Variants in PIP5KL1 observed in about 807,000 individuals in gnomAD.
PIP5KL1 encodes phosphatidylinositol 4-phosphate 5-kinase-like protein 1.
In PIP5KL1, 45 loss-of-function variants were observed where a neutral mutation model predicts 47.6. The ratio of observed to expected loss-of-function variants is 0.94; its 90% CI spans 0.74 to 1.21. The LOEUF is 1.21. PIP5KL1 is among the 50% of genes most tolerant of loss of function. PIP5KL1 has a pLI of 0.00. For missense variants in PIP5KL1, 577 were observed against 547.6 expected, an observed-to-expected ratio of 1.05 and a Z score of -0.54; for synonymous variants, 256 against 234.6, an observed-to-expected ratio of 1.09 and a Z score of -0.84.
chr9:127,925,865 AC>A lies in PIP5KL1; in HGVS notation c.763+1del. ...CAGGCAGTGGCCACCCCCGTGGCTC[AC>A]CCAGGTTGATGGTCTTGCCCTGAAA... On this transcript the variant is annotated splice_donor_variant, in intron 8 of 9. Transcript: ENST00000388747. LOFTEE classifies it high-confidence loss of function. 1 of 1,613,248 alleles carries A rather than the reference AC, an allele frequency of 6.2e-7. No homozygotes were observed.
Position 127,925,084 on chromosome 9 carries a change from T to A in PIP5KL1, c.917+23A>T, listed in dbSNP as rs931146820. The A allele has an allele frequency of 1.9e-6, 3 of 1,613,240 alleles. No homozygotes were observed. The African/African-American group carries it at 4.0e-5, about 22-fold the overall frequency. On this transcript the variant is annotated intron_variant, in intron 9 of 9. Coordinates refer to ENST00000388747, the MANE Select transcript of PIP5KL1 (RefSeq NM_001135219.2). ...CTTACTCTCACCACCTCAATCTCGC[T>A]GTTGCCCCTGTGGGAGGCTCACCTG...
In PIP5KL1 at chr9:127,921,446, C is replaced by G. The variant is rs549397101; in HGVS notation, c.*401G>C. The G allele has an allele frequency of 4.6e-4, 80 of 173,712 alleles. No individual in the cohort carries two copies. Among genetic ancestry groups the G allele is most frequent in the Non-Finnish European group, 7.6e-4 (62 of 81,218 alleles). The allele number at this position is 173,712 out of a possible 1,614,324, so 10.8% of individuals were successfully genotyped here. On this transcript the variant is annotated 3_prime_UTR_variant, in exon 10 of 10. Transcript: ENST00000388747. ...ATGACAAGAGGGCTGCAGCCTTCAGCCTCCCCCCTTGCCCAGATCATGAGG... is the reference window on the plus strand; with the variant it reads ...ATGACAAGAGGGCTGCAGCCTTCAGGCTCCCCCCTTGCCCAGATCATGAGG...
At position 127,925,154 on chromosome 9, in the gene PIP5KL1, G is replaced by A. The variant is rs774976835; in HGVS notation, c.870C>T (p.His290=). The A allele has an allele frequency of 4.2e-5, 68 of 1,614,008 alleles. No homozygotes were observed. Among genetic ancestry groups the A allele is most frequent in the Non-Finnish European group, 5.3e-5 (62 of 1,180,032 alleles). ...YSLLIAFQRL[H]EDERGPGSSL... Reference sequence around the variant, plus strand: ...TGCTGCCCGGGCCCCTCTCATCCTCGTGGAGACGTTGGAAGGCTATCAGGA... The same window carrying A: ...TGCTGCCCGGGCCCCTCTCATCCTCATGGAGACGTTGGAAGGCTATCAGGA... Residue 290 remains histidine, a synonymous_variant, in exon 9 of 10, where the codon CAC becomes CAT. Transcript: ENST00000388747.
Position 127,921,514 on chromosome 9 carries a change from A to C in PIP5KL1, c.*333T>G. On this transcript the variant is annotated 3_prime_UTR_variant, in exon 10 of 10. Coordinates refer to ENST00000388747, the MANE Select transcript of PIP5KL1 (RefSeq NM_001135219.2). Reference sequence around the variant, plus strand: ...GGTGGTTAAGAATACAGGCTCCGGAATCCAAAAGCCATGGTTGAGTCCTGG... The same window carrying C: ...GGTGGTTAAGAATACAGGCTCCGGACTCCAAAAGCCATGGTTGAGTCCTGG... 2 of 241,228 alleles carry C rather than the reference A, an allele frequency of 8.3e-6. No individual in the cohort carries two copies. The highest frequency in any genetic ancestry group is 8.1e-6 in the Non-Finnish European group (1 of 123,260). 14.9% of individuals were successfully genotyped at this position (241,228 alleles called of 1,614,324 possible). A position where few individuals can be genotyped will look rare whatever the true frequency, so the allele number is the denominator to read the frequency against.
Position 127,921,571 on chromosome 9 carries a change from A to G in PIP5KL1, c.*276T>C. On this transcript the variant is annotated 3_prime_UTR_variant, in exon 10 of 10. Transcript: ENST00000388747. ...CATTTATTGCTGAATGATCTTGATCAGTCCCTTCACCCCCTGAGCCTCCAT... is the reference window on the plus strand; with the variant it reads ...CATTTATTGCTGAATGATCTTGATCGGTCCCTTCACCCCCTGAGCCTCCAT... The G allele has an allele frequency of 2.2e-6, 1 of 451,340 alleles. No individual in the cohort carries two copies. The highest frequency in any genetic ancestry group is 4.0e-6 in the Non-Finnish European group (1 of 249,242). The allele number at this position is 451,340 out of a possible 1,614,324, so 28.0% of individuals were successfully genotyped here. A position where few individuals can be genotyped will look rare whatever the true frequency, so the allele number is the denominator to read the frequency against.
rs1831375818 is a variant in PIP5KL1, at chr9:127,927,241, G to A, written c.595-33C>T. ...CCGGGACAGGGAGTGAGGGAGGCCG[G>A]CTGTCGCCCTCCAGCCGCCCGCTCC... On this transcript the variant is annotated intron_variant, in intron 6 of 9. Coordinates refer to ENST00000388747, the MANE Select transcript of PIP5KL1 (RefSeq NM_001135219.2). The surrounding 1 kb of genome is among the most constrained non-coding windows in gnomAD (Gnocchi z 5.5). 2 of 1,611,646 alleles carry A rather than the reference G, an allele frequency of 1.2e-6. No homozygotes were observed. The highest frequency in any genetic ancestry group is 1.7e-6 in the Non-Finnish European group (2 of 1,179,380).
At chr9:127,926,017 G>C in intron 7 of PIP5KL1, 38 bp from the exon 8 acceptor site, 2 of 1,436,766 alleles carry the variant, frequency 1.4e-6, no homozygotes, top group Non-Finnish European at 1.9e-6. Flanking sequence ...ACATAGATTT[G>C]AGACACAGAG....
chr9:127,928,306 C>T (rs1375934435), intron 3 of PIP5KL1, 87 bp from the exon 4 acceptor site: 2 of 1,535,710 alleles, frequency 1.3e-6, no homozygotes, highest in Non-Finnish European at 1.8e-6. Flanking sequence ...TCAGGGTGAC[C>T]ACACCCTTCC....
chr9:127,921,959 C>A lies in PIP5KL1; in HGVS notation c.1073G>T (p.Arg358Leu). ...DLATVYGLRK[R>L]LEHLWKTLRY... is the part of the protein sequence containing the mutation. The stretch of plus-strand genomic sequence containing the variant: ...CAGTGTCTTCCACAGGTGCTCCAGC[C>A]GCTTGCGGAGCCCGTAGACTGTGGC... Residue 358 changes from arginine to leucine, a missense_variant, in exon 10 of 10, where the codon CGG (arginine) becomes CTG (leucine). Coordinates refer to ENST00000388747, the MANE Select transcript of PIP5KL1 (RefSeq NM_001135219.2). 6.3e-7 allele frequency: 1 copy of A among 1,577,068 alleles called. No individual in the cohort carries two copies. Among genetic ancestry groups the A allele is most frequent in the Non-Finnish European group, 8.6e-7 (1 of 1,162,622 alleles).
At chr9:127,930,089 G>A (rs1157083566) in intron 1 of PIP5KL1, among the ~76,000 whole-genome samples, 1 of 152,168 alleles carries the variant, frequency 6.6e-6, no homozygotes, top group Non-Finnish European at 1.5e-5. Flanking sequence ...TAGAGCAATG[G>A]TTATGATTAT....
chr9:127,928,810 G>C (rs962623304), intron 2 of PIP5KL1: 13 of 387,970 alleles, frequency 3.4e-5, no homozygotes, highest in Admixed American at 1.3e-4. Flanking sequence ...TCCAGTACAA[G>C]GGGGTGGCCC....
chr9:127,924,684 A>T (rs1486974284), intron 9 of PIP5KL1, among the ~76,000 whole-genome samples: 1 of 151,264 alleles, frequency 6.6e-6, no homozygotes, highest in African/African-American at 2.4e-5. Context: ...CAAAAATGTT[A>T]AAAATTAAAT....
chr9:127,927,405 C>A lies in PIP5KL1; in HGVS notation c.560-74G>T, dbSNP rs1004933781. The A allele has an allele frequency of 3.9e-6, 6 of 1,527,888 alleles. No individual in the cohort carries two copies. Among genetic ancestry groups the A allele is most frequent in the South Asian group, 1.2e-5 (1 of 83,954 alleles). 94.6% of individuals were successfully genotyped at this position (1,527,888 alleles called of 1,614,324 possible). A position where few individuals can be genotyped will look rare whatever the true frequency, so the allele number is the denominator to read the frequency against. Reference sequence around the variant, plus strand: ...GGGGTGCATCCGGCGCCAATCCCAGCGCCAGGCCACGCCTCCTTCTCAAGA... The same window carrying A: ...GGGGTGCATCCGGCGCCAATCCCAGAGCCAGGCCACGCCTCCTTCTCAAGA... On this transcript the variant is annotated intron_variant, in intron 5 of 9. Transcript: ENST00000388747. This position sits in a 1 kb window ranked among gnomAD's most constrained non-coding sequence, Gnocchi z 5.5.
At position 127,925,849 on chromosome 9, in the gene PIP5KL1, G is replaced by T. The variant is rs375630563; in HGVS notation, c.763+18C>A. ...CTGAATGAAGGAGGAACAGGCAGTG[G>T]CCACCCCCGTGGCTCACCCAGGTTG... On this transcript the variant is annotated intron_variant, in intron 8 of 9. Transcript: ENST00000388747. 3 of 1,593,278 alleles carry T rather than the reference G, an allele frequency of 1.9e-6. No individual in the cohort carries two copies. The highest frequency in any genetic ancestry group is 1.7e-5 in the Admixed American group (1 of 59,980).
In PIP5KL1 at chr9:127,922,265, A is replaced by G; in HGVS notation, c.918-151T>C. The G allele has an allele frequency of 9.5e-6, 10 of 1,051,600 alleles. No homozygotes were observed. The South Asian group carries it at 1.5e-4, about 16-fold the overall frequency. 65.1% of individuals were successfully genotyped at this position (1,051,600 alleles called of 1,614,324 possible). On this transcript the variant is annotated intron_variant, in intron 9 of 9. Coordinates refer to ENST00000388747, the MANE Select transcript of PIP5KL1 (RefSeq NM_001135219.2). The stretch of plus-strand genomic sequence containing the variant: ...TTTGTGAAGTCAGGTAGACTGAGAA[A>G]AGTGAAAGTGTTGGGCTAGAGGTGC...
At chr9:127,923,887 C>G (rs1831323529) in intron 9 of PIP5KL1, among the ~76,000 whole-genome samples, 1 of 152,244 alleles carries the variant, frequency 6.6e-6, no homozygotes, top group South Asian at 2.1e-4. Context: ...CTTGTGTCTG[C>G]TTCCCGAGCC....
rs1831413015 is a variant in PIP5KL1 at position 127,929,810 on chromosome 9, C to T, written c.106G>A (p.Asp36Asn). The T allele has an allele frequency of 1.1e-5, 17 of 1,551,584 alleles. No homozygotes were observed. Among genetic ancestry groups the T allele is most frequent in the Non-Finnish European group, 1.4e-5 (16 of 1,148,004 alleles). The change falls in exon 2 of 10, where the codon GAC (aspartate) becomes AAC (asparagine). Residue 36 changes from aspartate to asparagine, a missense_variant. Coordinates refer to ENST00000388747, the MANE Select transcript of PIP5KL1 (RefSeq NM_001135219.2). The surrounding 1 kb of genome is among the most constrained non-coding windows in gnomAD (Gnocchi z 4.0). The stretch of plus-strand genomic sequence containing the variant: ...AACAGGCCCAGGCGAGACTGCTTGT[C>T]TCGGAGGCGCCAGAGAAGCCCCCGC... ...SRRGLLWRLR[D>N]KQSRLGLFEI...
chr9:127,923,495 C>T lies in PIP5KL1; in HGVS notation c.918-1381G>A, dbSNP rs114558359. On this transcript the variant is annotated intron_variant, in intron 9 of 9. Coordinates refer to ENST00000388747, the MANE Select transcript of PIP5KL1 (RefSeq NM_001135219.2). ...CTCACTGACTGAATGACAGCGGTGG[C>T]CTAAGTACCAGCTAGGGGGAGAGGG... is the stretch of plus-strand genomic sequence containing the variant. Among the ~76,000 whole-genome samples, 877 of 152,346 alleles carry T rather than the reference C, an allele frequency of 5.8e-3. 13 individuals are homozygous for T. The highest frequency in any genetic ancestry group is 0.019 in the African/African-American group (794 of 41,572).
At chr9:127,923,278 C>T (rs1328085590) in intron 9 of PIP5KL1, among the ~76,000 whole-genome samples, 1 of 152,196 alleles carries the variant, frequency 6.6e-6, no homozygotes, top group Non-Finnish European at 1.5e-5. Context: ...AAAGCCCTGC[C>T]CGGCGCTGGC....
Sources: gnomAD v4.1 joint callset for allele counts (sites outside exome capture counted in the v4.1 genomes callset) on GRCh38, gnomAD v4.1.1 for gene constraint, Gnocchi (gnomAD v3.1) non-coding constraint, MANE v1.5 for transcripts, NCBI Gene and HGNC (gene_info 2026-07-23, HGNC 2026-07-21) for gene names.